Variants in SLC24A3 observed in about 807,000 individuals in gnomAD.
SLC24A3 encodes solute carrier family 24 member 3.
Under a neutral mutation model 75.8 loss-of-function variants are expected in SLC24A3, and 28 were observed. That is an observed-to-expected ratio of 0.37 (90% CI 0.27 to 0.51). The LOEUF (loss-of-function observed/expected upper bound fraction) is 0.51. Among genes scored for constraint, SLC24A3 ranks in the 20% least tolerant of loss-of-function variants. The pLI is 0.94. For missense variants in SLC24A3, 663 were observed against 847.8 expected (o/e 0.78, Z 2.71); for synonymous variants, 372 against 334.1 (o/e 1.11, Z -1.24).
At position 19,515,386 on chromosome 20, in the gene SLC24A3, A is replaced by G. The variant is rs538294622; in HGVS notation, c.272-102A>G. The G allele has an allele frequency of 9.2e-4, 986 of 1,075,236 alleles. 11 individuals carry two copies. Among genetic ancestry groups the G allele is most frequent in the Non-Finnish European group, 2.1e-4 (152 of 714,572 alleles). 66.6% of individuals were successfully genotyped at this position (1,075,236 alleles called of 1,614,324 possible). On this transcript the variant is annotated intron_variant, in intron 2 of 16. Coordinates refer to ENST00000328041, the MANE Select transcript of SLC24A3 (RefSeq NM_020689.4). ...CTTAAAGATTCAGGATCTTTTTTTC[A>G]TCCAAGTTCATGGACCCCATGTTAA...
chr20:19,246,982 C>T (rs1308310828), intron 1 of SLC24A3, among the ~76,000 whole-genome samples: 2 of 152,010 alleles, frequency 1.3e-5, no homozygotes. Context: ...CATTGTCATC[C>T]CTTTTAATCA....
At chr20:19,267,851 G>A (rs190309295) in intron 1 of SLC24A3, among the ~76,000 whole-genome samples, 203 of 152,248 alleles carry the variant, frequency 1.3e-3, no homozygotes, top group African/African-American at 4.7e-3. Flanking sequence ...GAAAATATCC[G>A]CTAGGTGCAC....
intron 2 of SLC24A3, among the ~76,000 whole-genome samples, chr20:19,369,568 A>G (rs189058177): frequency 6.6e-6 from 1 of 152,206 alleles, no homozygotes; most frequent in African/African-American, 2.4e-5. Context: ...CATAGATTAG[A>G]TAATAGTAGT....
chr20:19,634,982 T>C (rs575296675), intron 6 of SLC24A3, among the ~76,000 whole-genome samples: 1 of 152,344 alleles, frequency 6.6e-6, no homozygotes, highest in East Asian at 1.9e-4. Context: ...GAAAAAGATA[T>C]TTGACTACAT....
intron 2 of SLC24A3, among the ~76,000 whole-genome samples, chr20:19,476,538 C>G (rs1378411801): frequency 6.6e-6 from 1 of 152,186 alleles, no homozygotes; most frequent in Non-Finnish European, 1.5e-5. Context: ...AACCTCTGCT[C>G]TGTGTAAGAC....
chr20:19,678,367 G>A (rs1405494421), intron 9 of SLC24A3, among the ~76,000 whole-genome samples: 2 of 129,526 alleles, frequency 1.5e-5, no homozygotes, highest in African/African-American at 3.0e-5. Flanking sequence ...CCCGGACGGG[G>A]CGGCTGGCCG....
chr20:19,245,054 A>G (rs1982446419), intron 1 of SLC24A3, among the ~76,000 whole-genome samples: 1 of 152,194 alleles, frequency 6.6e-6, no homozygotes, highest in South Asian at 2.1e-4. Flanking sequence ...TGATTAATAA[A>G]CAGGGGACTG....
At position 19,255,019 on chromosome 20, in the gene SLC24A3, A is replaced by G. The variant is rs374408861; in HGVS notation, c.143-25940A>G. Among the ~76,000 whole-genome samples, 7 of 152,268 alleles carry G rather than the reference A, an allele frequency of 4.6e-5. No individual in the cohort carries two copies. The East Asian group carries it at 7.7e-4, about 17-fold the overall frequency. ...GTACTGTATACAAAAGGAAGCATGC[A>G]TCTGCCTTGCCCTTTCCCAGAAGTA... On this transcript the variant is annotated intron_variant, in intron 1 of 16. Transcript: ENST00000328041.
intron 2 of SLC24A3, among the ~76,000 whole-genome samples, chr20:19,423,924 G>T (rs577617439): frequency 1.3e-5 from 2 of 152,174 alleles, no homozygotes; most frequent in African/African-American, 4.8e-5. Flanking sequence ...TAGGGGAGGG[G>T]TGTGCAGGAA....
chr20:19,297,621 C>G (rs529717011), intron 2 of SLC24A3, among the ~76,000 whole-genome samples: 1 of 152,300 alleles, frequency 6.6e-6, no homozygotes, highest in South Asian at 2.1e-4. Context: ...CATATACATA[C>G]ATGTAGATAC....
chr20:19,460,571 G>A (rs1225269248), intron 2 of SLC24A3, among the ~76,000 whole-genome samples: 1 of 152,152 alleles, frequency 6.6e-6, no homozygotes, highest in African/African-American at 2.4e-5. Context: ...AAGCAGAGAG[G>A]ATGCAGAGTG....
chr20:19,610,379 G>A (rs6136790), intron 6 of SLC24A3, among the ~76,000 whole-genome samples: 49,942 of 152,072 alleles, frequency 0.33, 10,018 homozygotes, highest in Non-Finnish European at 0.45. Context: ...GCCTAGAGAC[G>A]GAACAGTGGG....
At chr20:19,619,715 G>A (rs904129945) in intron 6 of SLC24A3, among the ~76,000 whole-genome samples, 2 of 152,152 alleles carry the variant, frequency 1.3e-5, no homozygotes, top group Non-Finnish European at 2.9e-5. Flanking sequence ...CTATGATTAT[G>A]AGCTCTACAT....
At chr20:19,510,319 T>C (rs1393038679) in intron 2 of SLC24A3, among the ~76,000 whole-genome samples, 1 of 152,248 alleles carries the variant, frequency 6.6e-6, no homozygotes, top group Non-Finnish European at 1.5e-5. Flanking sequence ...CAAGTCTTAA[T>C]AACAGTTTAT....
chr20:19,599,191 C>T (rs758756465), intron 6 of SLC24A3, among the ~76,000 whole-genome samples: 1 of 152,162 alleles, frequency 6.6e-6, no homozygotes, highest in Non-Finnish European at 1.5e-5. Context: ...CAGAACAAGG[C>T]AATTTGCTTC....
At chr20:19,400,709 T>A (rs555038279) in intron 2 of SLC24A3, among the ~76,000 whole-genome samples, 14 of 152,300 alleles carry the variant, frequency 9.2e-5, no homozygotes, top group African/African-American at 3.4e-4. Flanking sequence ...AGTTCAAGAA[T>A]CCTGCCAGTC....
At chr20:19,627,658 G>T (rs1568677554) in intron 6 of SLC24A3, among the ~76,000 whole-genome samples, 1 of 152,158 alleles carries the variant, frequency 6.6e-6, no homozygotes, top group Admixed American at 6.5e-5. Flanking sequence ...AATAAGTCAT[G>T]CCTGATCAAC....
intron 3 of SLC24A3, among the ~76,000 whole-genome samples, chr20:19,525,831 C>T (rs1261764867): frequency 6.6e-6 from 1 of 152,214 alleles, no homozygotes; most frequent in Non-Finnish European, 1.5e-5. Flanking sequence ...AGCCTGCAGA[C>T]TCCCCGTGAG....
At chr20:19,328,020 G>T (rs1371283513) in intron 2 of SLC24A3, among the ~76,000 whole-genome samples, 4 of 152,152 alleles carry the variant, frequency 2.6e-5, no homozygotes, top group African/African-American at 9.7e-5. Context: ...TGACAAGTTG[G>T]GGGGAGTTTG....
Sources: gnomAD v4.1 joint callset for allele counts (sites outside exome capture counted in the v4.1 genomes callset) on GRCh38, gnomAD v4.1.1 for gene constraint, MANE v1.5 for transcripts, NCBI Gene and HGNC (gene_info 2026-07-23, HGNC 2026-07-21) for gene names.